The following IST1 variants were observed in gnomAD, a reference collection of about 807,000 sequenced individuals.
The protein encoded by IST1 is IST1 homolog.
IST1 carries 23 observed loss-of-function variants against 37.0 expected under a neutral mutation model. The observed-to-expected ratio is 0.62, with a 90% CI of 0.45 to 0.88. The LOEUF (loss-of-function observed/expected upper bound fraction) is 0.88. IST1 is among the 40% of genes least tolerant of loss of function. The pLI is 0.00. For missense variants in IST1, 488 were observed against 445.4 expected, an observed-to-expected ratio of 1.10 and a Z score of -0.86; for synonymous variants, 180 against 161.7, an observed-to-expected ratio of 1.11 and a Z score of -0.86.
chr16:71,926,901 T>C (rs910423768), intron 9 of IST1, among the ~76,000 whole-genome samples: 7 of 152,168 alleles, frequency 4.6e-5, no homozygotes, highest in Admixed American at 1.3e-4. Flanking sequence ...CAGACTATTA[T>C]AACAAAATAA....
chr16:71,916,433 G>C, intron 2 of IST1, 29 bp from the exon 3 acceptor site: 1 of 1,608,442 alleles, frequency 6.2e-7, no homozygotes, highest in Non-Finnish European at 8.5e-7. Context: ...CTCTACTGCT[G>C]TGAGATCGGA....
intron 1 of IST1, among the ~76,000 whole-genome samples, chr16:71,911,207 C>T (rs1361617366): frequency 6.6e-6 from 1 of 152,164 alleles, no homozygotes; most frequent in Non-Finnish European, 1.5e-5. Context: ...CACCACTGCA[C>T]TCCAGCCTGG....
chr16:71,915,867 G>A (rs1369890722), intron 2 of IST1, 139 bp downstream of exon 2: 2 of 569,662 alleles, frequency 3.5e-6, no homozygotes, highest in East Asian at 3.1e-5. Context: ...GTCTCACTCT[G>A]TCGCCCAGGA....
In IST1 at chr16:71,922,544, G is replaced by T; in HGVS notation, c.623G>T (p.Gly208Val). 6.2e-7 allele frequency: 1 copy of T among 1,614,178 alleles called. No homozygotes were observed. The highest frequency in any genetic ancestry group is 1.1e-5 in the South Asian group (1 of 91,088). Residue 208 changes from glycine to valine, a missense_variant, in exon 7 of 10, where the codon GGC (glycine) becomes GTC (valine). Coordinates refer to ENST00000378799, the MANE Select transcript of IST1 (RefSeq NM_001270975.2). Reference protein sequence around the residue: ...VGFTDDVKKGGPGRGGSGGFT... With the variant: ...VGFTDDVKKGVPGRGGSGGFT... ...TTCACAGATGATGTGAAGAAAGGAG[G>T]CCCTGGAAGAGGAGGGAGTGGTGGC...
At chr16:71,894,698 C>CTT (rs35889170), upstream of IST1, 33,924 of 440,746 alleles carry the variant, frequency 0.077, 1,955 homozygotes, top group East Asian at 0.14. Context: ...TAATTTTTAA[C>CTT]TTTTTTTTTT....
intron 5 of IST1, 156 bp downstream of exon 5, chr16:71,920,978 C>G (rs2303247): frequency 5.8e-6 from 4 of 687,572 alleles, no homozygotes; most frequent in Non-Finnish European, 1.1e-5. Context: ...GCAGTGTGGT[C>G]CAATCCTTAC....
At chr16:71,917,249 T>G (rs1014314176) in intron 4 of IST1, 115 bp downstream of exon 4, 23 of 607,218 alleles carry the variant, frequency 3.8e-5, no homozygotes, top group Non-Finnish European at 5.9e-5. Flanking sequence ...CTTATGTTGC[T>G]TTTGAAATAG....
Position 71,929,463 on chromosome 16 carries a change from A to T in IST1, c.*1650A>T. 7.3e-7 allele frequency: 1 copy of T among 1,360,554 alleles called. No homozygotes were observed. The highest frequency in any genetic ancestry group is 9.8e-7 in the Non-Finnish European group (1 of 1,019,234). The allele number at this position is 1,360,554 out of a possible 1,614,324, so 84.3% of individuals were successfully genotyped here. A position where few individuals can be genotyped will look rare whatever the true frequency, so the allele number is the denominator to read the frequency against. ...CAGAATTAAAAACAAAGTATATTAT[A>T]ATTTTAAAGCTATGCCATGCAAAGA... is the stretch of plus-strand genomic sequence containing the variant. On this transcript the variant is annotated 3_prime_UTR_variant, in exon 10 of 10. Transcript: ENST00000378799.
chr16:71,929,545 A>G lies in IST1; in HGVS notation c.*1732A>G. 1 of 1,550,608 alleles carries G rather than the reference A, an allele frequency of 6.4e-7. No homozygotes were observed. Reference sequence around the variant, plus strand: ...AAGTAGGAGATAACAGGATTAAGGTAGTTCATCTAAAACTTCAGTGTCACT... The same window carrying G: ...AAGTAGGAGATAACAGGATTAAGGTGGTTCATCTAAAACTTCAGTGTCACT... On this transcript the variant is annotated 3_prime_UTR_variant, in exon 10 of 10. Coordinates refer to ENST00000378799, the MANE Select transcript of IST1 (RefSeq NM_001270975.2).
chr16:71,911,620 T>C (rs1312471150), intron 1 of IST1, among the ~76,000 whole-genome samples: 1 of 152,154 alleles, frequency 6.6e-6, no homozygotes, highest in Non-Finnish European at 1.5e-5. Flanking sequence ...AGTTTCTAAT[T>C]GGTGGAATTT....
chr16:71,917,691 C>G (rs1287788895), intron 4 of IST1, among the ~76,000 whole-genome samples: 1 of 152,058 alleles, frequency 6.6e-6, no homozygotes, highest in Non-Finnish European at 1.5e-5. Flanking sequence ...ACATCTTTGC[C>G]TTTCTGTTTT....
chr16:71,917,335 T>C (rs1048266633), intron 4 of IST1, among the ~76,000 whole-genome samples: 2 of 152,240 alleles, frequency 1.3e-5, no homozygotes, highest in Admixed American at 1.3e-4. Context: ...GAGCAGTTTT[T>C]TTAAGGAGCA....
At chr16:71,897,357 G>A (rs758749912) in intron 1 of IST1, among the ~76,000 whole-genome samples, 2 of 152,096 alleles carry the variant, frequency 1.3e-5, no homozygotes, top group Non-Finnish European at 2.9e-5. Flanking sequence ...TTTTAAAATA[G>A]TATTATTATT....
At chr16:71,902,166 G>A (rs1172567307) in intron 1 of IST1, among the ~76,000 whole-genome samples, 1 of 152,202 alleles carries the variant, frequency 6.6e-6, no homozygotes. Context: ...GAGGTGTGAA[G>A]GTTCATGTAA....
rs1160829811 is a variant in IST1, at chr16:71,924,792, G to C, written c.876G>C (p.Lys292Asn). The change falls in exon 9 of 10, where the codon AAG (lysine) becomes AAC (asparagine). Residue 292 changes from lysine to asparagine, a missense_variant. Coordinates refer to ENST00000378799, the MANE Select transcript of IST1 (RefSeq NM_001270975.2). ...YESVDDINAD[K>N]NISSAQIVGP... ...AGGTAGATGACATTAATGCTGATAA[G>C]AATATCTCTTCTGCACAGATTGTTG... 1 of 1,610,492 alleles carries C rather than the reference G, an allele frequency of 6.2e-7. No homozygotes were observed. The highest frequency in any genetic ancestry group is 8.5e-7 in the Non-Finnish European group (1 of 1,176,694).
intron 4 of IST1, among the ~76,000 whole-genome samples, chr16:71,918,985 G>C (rs914160167): frequency 6.6e-6 from 1 of 152,170 alleles, no homozygotes; most frequent in Non-Finnish European, 1.5e-5. Context: ...TGCTACTGTC[G>C]TTTCCTGTCT....
At position 71,928,587 on chromosome 16, in the gene IST1, G is replaced by A. The variant is rs1424929817; in HGVS notation, c.*774G>A. ...TGGATTGCATTACTGGCAGAGAAAGGACAAGGTGCCATTCAAGTCCTAGGG... is the reference window on the plus strand; with the variant it reads ...TGGATTGCATTACTGGCAGAGAAAGAACAAGGTGCCATTCAAGTCCTAGGG... On this transcript the variant is annotated 3_prime_UTR_variant, in exon 10 of 10. Transcript: ENST00000378799. The A allele has an allele frequency of 6.5e-6, 1 of 152,672 alleles. No individual in the cohort carries two copies. Among genetic ancestry groups the A allele is most frequent in the Non-Finnish European group, 1.5e-5 (1 of 68,068 alleles). The allele number at this position is 152,672 out of a possible 1,614,324, so 9.5% of individuals were successfully genotyped here. A position where few individuals can be genotyped will look rare whatever the true frequency, so the allele number is the denominator to read the frequency against.
chr16:71,925,574 A>G (rs571135834), intron 9 of IST1, among the ~76,000 whole-genome samples: 42 of 152,180 alleles, frequency 2.8e-4, no homozygotes, highest in African/African-American at 9.9e-4. Flanking sequence ...TCAGCCTCCC[A>G]AAGTGCTGAG....
chr16:71,923,355 CAGCAACT>C lies in IST1; in HGVS notation c.828_834del (p.Ala277ProfsTer7). 6.2e-7 allele frequency: 1 copy of C among 1,609,044 alleles called. No homozygotes were observed. Among genetic ancestry groups the C allele is most frequent in the Non-Finnish European group, 8.5e-7 (1 of 1,175,654 alleles). ...CCCAATATTCATCCACCTCAGATACCAGCAACTCCCCCATCGTATGAATCTGTAAGTG... is the reference window on the plus strand; with the variant it reads ...CCCAATATTCATCCACCTCAGATACCCCCCCATCGTATGAATCTGTAAGTG... On this transcript the variant is annotated frameshift_variant, in exon 8 of 10. Coordinates refer to ENST00000378799, the MANE Select transcript of IST1 (RefSeq NM_001270975.2). LOFTEE classifies it high-confidence loss of function.
Sources: gnomAD v4.1 joint callset for allele counts (sites outside exome capture counted in the v4.1 genomes callset) on GRCh38, gnomAD v4.1.1 for gene constraint, MANE v1.5 for transcripts, NCBI Gene and HGNC (gene_info 2026-07-23, HGNC 2026-07-21) for gene names.